Variants in PCDHA2 observed in about 807,000 individuals in gnomAD.
The protein encoded by PCDHA2 is protocadherin alpha-2.
In PCDHA2, 58 loss-of-function variants were observed where a neutral mutation model predicts 66.0. The ratio of observed to expected loss-of-function variants is 0.88; its 90% CI spans 0.71 to 1.09. The LOEUF (loss-of-function observed/expected upper bound fraction) is 1.09, where lower values mean the gene tolerates loss of function less well. PCDHA2 is among the 50% of genes least tolerant of loss of function. The probability of loss-of-function intolerance (pLI) is 0.00; values close to 1 mark genes in which losing one functional copy is unlikely to be tolerated. For missense variants in PCDHA2, 1,267 were observed against 1,242.3 expected (o/e 1.02, Z -0.30); for synonymous variants, 634 against 554.0 (o/e 1.14, Z -2.03).
intron 1 of PCDHA2, chr5:140,803,039 G>C (rs1554122540): frequency 4.3e-6 from 7 of 1,614,024 alleles, no homozygotes; most frequent in Non-Finnish European, 8.5e-7. Flanking sequence ...TGCAGCCTGG[G>C]ACCGGCGGTG....
chr5:140,829,694 G>A (rs1262192253), intron 1 of PCDHA2: 1 of 1,613,324 alleles, frequency 6.2e-7, no homozygotes, highest in Non-Finnish European at 8.5e-7. Flanking sequence ...GCAGTTTCAG[G>A]TGAGCGCGCG....
intron 1 of PCDHA2, chr5:140,814,776 G>T (rs1400006527): frequency 2.0e-5 from 3 of 152,064 alleles, no homozygotes; most frequent in African/African-American, 4.8e-5. Context: ...GTCTGTTATT[G>T]GTTGAAACGT....
intron 1 of PCDHA2, chr5:140,842,386 A>G (rs1554138984): frequency 1.2e-6 from 2 of 1,611,028 alleles, no homozygotes; most frequent in Non-Finnish European, 1.7e-6. Flanking sequence ...TGACTTCCTT[A>G]TCCTTGCCTG....
chr5:140,927,416 C>T (rs782053183), intron 1 of PCDHA2: 6 of 1,613,980 alleles, frequency 3.7e-6, no homozygotes, highest in Admixed American at 3.3e-5. Context: ...GACATGGGAT[C>T]GCGGGTTGAC....
chr5:140,893,689 A>T (rs999117899), intron 1 of PCDHA2, among the ~76,000 whole-genome samples: 1 of 152,192 alleles, frequency 6.6e-6, no homozygotes, highest in Admixed American at 6.5e-5. Flanking sequence ...ATATCATCTC[A>T]TTCTATCCTA....
chr5:140,982,014 C>A (rs546904836), intron 2 of PCDHA2, among the ~76,000 whole-genome samples: 1 of 152,152 alleles, frequency 6.6e-6, no homozygotes, highest in Admixed American at 6.5e-5. Context: ...AATTAGATAG[C>A]CAAATTGGAA....
chr5:140,892,573 A>G (rs1299586046), intron 1 of PCDHA2, among the ~76,000 whole-genome samples: 1 of 152,210 alleles, frequency 6.6e-6, no homozygotes, highest in Non-Finnish European at 1.5e-5. Context: ...TGTCAAAAGT[A>G]TATCTCAGTA....
chr5:140,832,565 C>G (rs1487126370), intron 1 of PCDHA2, among the ~76,000 whole-genome samples: 2 of 152,180 alleles, frequency 1.3e-5, no homozygotes, highest in East Asian at 3.8e-4. Flanking sequence ...AGCCTCAAAA[C>G]AGCATACTTT....
At chr5:140,828,379 C>A in intron 1 of PCDHA2, 2 of 1,614,236 alleles carry the variant, frequency 1.2e-6, no homozygotes, top group Non-Finnish European at 1.7e-6. Flanking sequence ...AGGAGCTGTG[C>A]GGGCGGAGCG....
chr5:140,933,739 G>A (rs531821370), intron 1 of PCDHA2, among the ~76,000 whole-genome samples: 18 of 151,856 alleles, frequency 1.2e-4, no homozygotes, highest in Admixed American at 3.9e-4. Flanking sequence ...TTAAATATTT[G>A]GTAGAATTCA....
intron 1 of PCDHA2, chr5:140,808,384 C>T: frequency 6.2e-7 from 1 of 1,614,182 alleles, no homozygotes; most frequent in Non-Finnish European, 8.5e-7. Flanking sequence ...AGCTGGTGTC[C>T]ACCTTCAAGA....
At chr5:140,891,419 C>T (rs925275455) in intron 1 of PCDHA2, among the ~76,000 whole-genome samples, 1 of 147,378 alleles carries the variant, frequency 6.8e-6, no homozygotes, top group African/African-American at 2.5e-5. Flanking sequence ...CACTCTTGCC[C>T]CCAAGTCCCC....
chr5:140,989,085 C>T (rs1481898269), intron 3 of PCDHA2: 7 of 152,258 alleles, frequency 4.6e-5, no homozygotes, highest in Non-Finnish European at 7.4e-5. Context: ...CTCTGAAAAC[C>T]TTGTCAGGAG....
intron 1 of PCDHA2, chr5:140,854,600 AT>A (rs2043170892): frequency 6.7e-6 from 1 of 150,110 alleles, no homozygotes; most frequent in African/African-American, 2.4e-5. Context: ...GTTTAAAGTA[AT>A]TGACACATTT....
At chr5:140,900,456 T>C (rs902615387) in intron 1 of PCDHA2, among the ~76,000 whole-genome samples, 3 of 152,210 alleles carry the variant, frequency 2.0e-5, no homozygotes, top group Non-Finnish European at 2.9e-5. Flanking sequence ...TTTTTATTTT[T>C]AGTAGACACG....
intron 1 of PCDHA2, among the ~76,000 whole-genome samples, chr5:140,886,245 A>G (rs1241977297): frequency 6.6e-6 from 1 of 152,046 alleles, no homozygotes; most frequent in Non-Finnish European, 1.5e-5. Context: ...GAAATAAATA[A>G]AAGTATCTCT....
chr5:140,895,720 C>A (rs1473250558), intron 1 of PCDHA2, among the ~76,000 whole-genome samples: 2 of 152,136 alleles, frequency 1.3e-5, no homozygotes, highest in African/African-American at 4.8e-5. Flanking sequence ...ATGGCCTGCA[C>A]CTCCATTCAA....
At chr5:140,848,313 C>T in intron 1 of PCDHA2, 1 of 730,618 alleles carries the variant, frequency 1.4e-6, no homozygotes, top group Non-Finnish European at 2.3e-6. Context: ...CACTCTTTGC[C>T]GCGATGTTCT....
intron 1 of PCDHA2, chr5:140,883,472 A>G (rs782442737): frequency 1.2e-5 from 20 of 1,614,018 alleles, no homozygotes; most frequent in Non-Finnish European, 1.4e-5. Context: ...GTCCACCTAC[A>G]AGAACTACTA....
Sources: gnomAD v4.1 joint callset for allele counts (sites outside exome capture counted in the v4.1 genomes callset) on GRCh38, gnomAD v4.1.1 for gene constraint, MANE v1.5 for transcripts, NCBI Gene and HGNC (gene_info 2026-07-23, HGNC 2026-07-21) for gene names.